Variants in CEP128 observed in about 807,000 individuals in gnomAD.
The protein encoded by CEP128 is centrosomal protein 128kDa.
In CEP128, 132 loss-of-function variants were observed where a neutral mutation model predicts 156.7. That is an observed-to-expected ratio of 0.84 (90% confidence interval 0.73 to 0.97). The LOEUF (loss-of-function observed/expected upper bound fraction) is 0.97. CEP128 is among the 50% of genes least tolerant of loss of function. The pLI is 0.00. For synonymous variants in CEP128, 469 were observed against 448.9 expected (o/e 1.04, Z -0.57); for missense variants, 1,252 against 1,281.9 (o/e 0.98, Z 0.36).
At chr14:80,706,084 C>T (rs1300663921) in intron 19 of CEP128, among the ~76,000 whole-genome samples, 2 of 151,922 alleles carry the variant, frequency 1.3e-5, no homozygotes, top group Non-Finnish European at 2.9e-5. Context: ...AATGATATTC[C>T]GTTTCTATCA....
chr14:80,956,956 C>T lies in CEP128; in HGVS notation c.-172+1222G>A, dbSNP rs113428687. Among the ~76,000 whole-genome samples, 517 of 152,306 alleles carry T rather than the reference C, an allele frequency of 3.4e-3. 6 individuals carry two copies. Among genetic ancestry groups the T allele is most frequent in the African/African-American group, 0.012 (501 of 41,568 alleles). On this transcript the variant is annotated intron_variant, in intron 2 of 7. Transcript: ENST00000555529. Reference sequence around the variant, plus strand: ...AAAAGGTGTAATGGCCTCTTGATTACACCTCTACATAGGTTGCTTGTCACC... The same window carrying T: ...AAAAGGTGTAATGGCCTCTTGATTATACCTCTACATAGGTTGCTTGTCACC...
At chr14:80,949,770 G>A (rs1182315040) in intron 2 of CEP128, among the ~76,000 whole-genome samples, 3 of 152,084 alleles carry the variant, frequency 2.0e-5, no homozygotes, top group Non-Finnish European at 4.4e-5. Flanking sequence ...GTGCCAAAAA[G>A]GGTAATATTT....
At chr14:80,489,580 T>C (rs1214454471), downstream of CEP128, among the ~76,000 whole-genome samples, 2 of 152,186 alleles carry the variant, frequency 1.3e-5, no homozygotes, top group African/African-American at 2.4e-5. Context: ...ATTGCCTCAG[T>C]ATCATGATTT....
intron 19 of CEP128, among the ~76,000 whole-genome samples, chr14:80,617,321 C>A (rs1893262452): frequency 6.8e-6 from 1 of 146,154 alleles, no homozygotes; most frequent in Admixed American, 7.0e-5. Flanking sequence ...AGCTCCACCT[C>A]CCGGGTTCAC....
intron 19 of CEP128, among the ~76,000 whole-genome samples, chr14:80,633,143 C>T (rs2597084): frequency 0.35 from 53,504 of 151,470 alleles, 11,198 homozygotes; most frequent in African/African-American, 0.59. Context: ...AGGAGGATCA[C>T]GTGAGCCCAG....
rs180916404 is a variant in CEP128 at position 80,529,458 on chromosome 14, T to C, written c.2958+1351A>G. 6.6e-5 allele frequency among the ~76,000 whole-genome samples: 10 copies of C among 152,308 alleles called. No homozygotes were observed. The East Asian group carries it at 1.9e-3, about 29-fold the overall frequency. On this transcript the variant is annotated intron_variant, in intron 22 of 24. Coordinates refer to ENST00000555265, the MANE Select transcript of CEP128 (RefSeq NM_152446.5). ...TGGTAATAGTAGAGAATACAACTTTTAAATTGTACTTATGAACATTCTGTT... is the reference window on the plus strand; with the variant it reads ...TGGTAATAGTAGAGAATACAACTTTCAAATTGTACTTATGAACATTCTGTT...
chr14:80,642,874 C>T (rs889729035), intron 19 of CEP128, among the ~76,000 whole-genome samples: 1 of 151,954 alleles, frequency 6.6e-6, no homozygotes, highest in South Asian at 2.1e-4. Context: ...CCTGCCTCAG[C>T]CTCCCGAGTA....
intron 21 of CEP128, among the ~76,000 whole-genome samples, chr14:80,533,824 C>T (rs1566762688): frequency 6.6e-6 from 1 of 152,178 alleles, no homozygotes; most frequent in East Asian, 1.9e-4. Context: ...TCTTTTCATC[C>T]TTATATTCTA....
intron 19 of CEP128, among the ~76,000 whole-genome samples, chr14:80,597,987 G>GCAT: frequency 7.0e-6 from 1 of 142,142 alleles, no homozygotes; most frequent in Non-Finnish European, 1.5e-5. Context: ...CCTATGGCTA[G>GCAT]CATTATGCTA....
At chr14:80,743,756 G>A (rs1010750999) in intron 18 of CEP128, among the ~76,000 whole-genome samples, 4 of 152,138 alleles carry the variant, frequency 2.6e-5, no homozygotes, top group Non-Finnish European at 5.9e-5. Context: ...TTGACTAGAA[G>A]ATATAGAGTT....
In CEP128 at chr14:80,899,952, A is replaced by T; in HGVS notation, c.558T>A (p.Leu186=). The T allele has an allele frequency of 6.2e-7, 1 of 1,612,916 alleles. No individual in the cohort carries two copies. Among genetic ancestry groups the T allele is most frequent in the Non-Finnish European group, 8.5e-7 (1 of 1,178,972 alleles). Reference sequence around the variant, plus strand: ...GCTGCTTTTACCGGCTCCTTCTGGAAAGCTCCCTGTTGAAATCATCTCCAA... The same window carrying T: ...GCTGCTTTTACCGGCTCCTTCTGGATAGCTCCCTGTTGAAATCATCTCCAA... ...IRLGDDFNRE[L]SRRSRSDAET... Residue 186 remains leucine, a synonymous_variant, in exon 7 of 25, where the codon CTT becomes CTA. Coordinates refer to ENST00000555265, the MANE Select transcript of CEP128 (RefSeq NM_152446.5).
chr14:80,863,068 T>C (rs1887597624), intron 8 of CEP128, among the ~76,000 whole-genome samples, 195 bp from the exon 9 acceptor site: 1 of 152,150 alleles, frequency 6.6e-6, no homozygotes, highest in African/African-American at 2.4e-5. Context: ...AAGAAAGTCA[T>C]CACTGATCTC....
At chr14:80,913,453 T>C (rs1884363125) in intron 4 of CEP128, among the ~76,000 whole-genome samples, 1 of 152,352 alleles carries the variant, frequency 6.6e-6, no homozygotes, top group East Asian at 1.9e-4. Flanking sequence ...CATATGCTTG[T>C]AAATACATAG....
intron 19 of CEP128, among the ~76,000 whole-genome samples, chr14:80,608,733 T>C (rs1892883055): frequency 6.6e-6 from 1 of 152,220 alleles, no homozygotes; most frequent in Admixed American, 6.5e-5. Flanking sequence ...GGCTAACTCT[T>C]ACTTGTCCTT....
intron 19 of CEP128, among the ~76,000 whole-genome samples, chr14:80,636,089 GTACTTATTGC>G (rs1280381950): frequency 1.3e-5 from 2 of 152,170 alleles, no homozygotes; most frequent in African/African-American, 4.8e-5. Flanking sequence ...ATACTCAAGT[GTACTTATTGC>G]TACTTATTTG....
chr14:80,840,940 T>C (rs901664309), intron 9 of CEP128, among the ~76,000 whole-genome samples, 172 bp from the exon 10 acceptor site: 1 of 152,116 alleles, frequency 6.6e-6, no homozygotes, highest in African/African-American at 2.4e-5. Context: ...ATATAAACAA[T>C]TCCTGATCAC....
chr14:80,899,416 G>T (rs1883396872), intron 7 of CEP128, among the ~76,000 whole-genome samples: 2 of 152,166 alleles, frequency 1.3e-5, no homozygotes, highest in East Asian at 1.9e-4. Flanking sequence ...AGACAGCAAA[G>T]AAGTTTTAAA....
chr14:80,666,826 A>T (rs886380931), intron 19 of CEP128, among the ~76,000 whole-genome samples: 8 of 152,150 alleles, frequency 5.3e-5, no homozygotes, highest in African/African-American at 1.9e-4. Context: ...AATGACGAAG[A>T]ACAAAATTAA....
chr14:80,514,739 T>C (rs1248242904), intron 23 of CEP128: 6 of 328,670 alleles, frequency 1.8e-5, no homozygotes, highest in African/African-American at 1.3e-4. Flanking sequence ...TTAGTTTGTC[T>C]GGTGAGGGCA....
Sources: gnomAD v4.1 joint callset for allele counts (sites outside exome capture counted in the v4.1 genomes callset) on GRCh38, gnomAD v4.1.1 for gene constraint, MANE v1.5 for transcripts, NCBI Gene and HGNC (gene_info 2026-07-23, HGNC 2026-07-21) for gene names.